TMEM161A: variants seen among roughly 807,000 people sequenced by gnomAD.
TMEM161A encodes the protein adaptive response to oxidative stress protein 29.
TMEM161A carries 46 observed loss-of-function variants against 57.1 expected under a neutral mutation model. That is an observed-to-expected ratio of 0.81 (90% confidence interval 0.64 to 1.03). The LOEUF is 1.03. Among genes scored for constraint, TMEM161A ranks in the 50% least tolerant of loss-of-function variants. The pLI, the probability that TMEM161A is intolerant of heterozygous loss-of-function variation, is 0.00. For missense variants in TMEM161A, 601 were observed against 621.5 expected (o/e 0.97, Z 0.35); for synonymous variants, 288 against 279.0 (o/e 1.03, Z -0.32).
chr19:19,125,578 G>A lies in TMEM161A; in HGVS notation c.596-3759C>T, dbSNP rs556659085. Among the ~76,000 whole-genome samples the A allele has an allele frequency of 6.0e-5, 9 of 148,818 alleles. No homozygotes were observed. The East Asian group carries it at 1.0e-3, about 17-fold the overall frequency. ...GTTGCCCAGGCTGGAGTGCAGTGGC[G>A]CGATCTTGGCTCACTGCAAGCTCCA... is the stretch of plus-strand genomic sequence containing the variant. On this transcript the variant is annotated intron_variant, in intron 6 of 11. Coordinates refer to ENST00000162044, the MANE Select transcript of TMEM161A (RefSeq NM_017814.3).
intron 6 of TMEM161A, among the ~76,000 whole-genome samples, chr19:19,126,130 A>C (rs904779362): frequency 4.0e-5 from 6 of 149,638 alleles, no homozygotes; most frequent in Non-Finnish European, 8.9e-5. Flanking sequence ...CGCCCACTGC[A>C]CTCCAGCCTG....
chr19:19,125,475 C>T (rs1208717873), intron 6 of TMEM161A, among the ~76,000 whole-genome samples: 2 of 150,706 alleles, frequency 1.3e-5, no homozygotes, highest in South Asian at 2.1e-4. Flanking sequence ...CTCAGCCTCC[C>T]GAGTAGCTGG....
intron 6 of TMEM161A, among the ~76,000 whole-genome samples, chr19:19,124,564 A>C (rs1220785966): frequency 6.6e-6 from 1 of 152,228 alleles, no homozygotes; most frequent in Non-Finnish European, 1.5e-5. Context: ...ATATTTAATA[A>C]TCCATAGGTC....
intron 6 of TMEM161A, among the ~76,000 whole-genome samples, chr19:19,129,903 C>T (rs1462067945): frequency 2.7e-5 from 4 of 149,558 alleles, no homozygotes; most frequent in Admixed American, 6.6e-5. Context: ...GAAACTCCAT[C>T]TCAAAAAAAA....
Position 19,132,931 on chromosome 19 carries a change from C to A in TMEM161A, c.189-177G>T. ...CCACAGGACTGGCTAGAGCAAACTG[C>A]CAGGAAACAGATGCTAACTTGACAG... On this transcript the variant is annotated intron_variant, in intron 3 of 11. Coordinates refer to ENST00000162044, the MANE Select transcript of TMEM161A (RefSeq NM_017814.3). The surrounding 1 kb of genome is among the most constrained non-coding windows in gnomAD (Gnocchi z 4.3). 2.8e-6 allele frequency: 2 copies of A among 719,290 alleles called. No individual in the cohort carries two copies. Among genetic ancestry groups the A allele is most frequent in the South Asian group, 1.9e-5 (1 of 52,024 alleles). 44.6% of individuals were successfully genotyped at this position (719,290 alleles called of 1,614,324 possible). A position where few individuals can be genotyped will look rare whatever the true frequency, so the allele number is the denominator to read the frequency against.
chr19:19,126,831 C>T (rs1187106000), intron 6 of TMEM161A, among the ~76,000 whole-genome samples: 1 of 152,106 alleles, frequency 6.6e-6, no homozygotes, highest in African/African-American at 2.4e-5. Flanking sequence ...GATCATGCCA[C>T]TGTACTCTAG....
intron 5 of TMEM161A, chr19:19,130,587 A>G (rs1226495350): frequency 2.3e-6 from 1 of 439,754 alleles, no homozygotes; most frequent in Non-Finnish European, 4.2e-6. Context: ...CCTACTTCAC[A>G]TCCCTTGGAA....
intron 6 of TMEM161A, among the ~76,000 whole-genome samples, chr19:19,128,932 T>A (rs2059944440): frequency 1.3e-5 from 2 of 151,950 alleles, no homozygotes; most frequent in South Asian, 4.2e-4. Context: ...TGAAAAAAAA[T>A]TCAAAGAGAA....
chr19:19,130,292 T>C lies in TMEM161A; in HGVS notation c.459A>G (p.Thr153=). 1.2e-6 allele frequency: 2 copies of C among 1,613,408 alleles called. No individual in the cohort carries two copies. The highest frequency in any genetic ancestry group is 1.7e-6 in the Non-Finnish European group (2 of 1,180,030). The change falls in exon 6 of 12, where the codon ACA becomes ACG. Residue 153 remains threonine (T), a synonymous_variant. Transcript: ENST00000162044. ...TVTFSIKMFL[T]VTRLYFSAEE... Reference sequence around the variant, plus strand: ...CGGCGCTGAAGTACAGCCGTGTCACTGTCAGGAACATCTTGCTGGAGGCTG... The same window carrying C: ...CGGCGCTGAAGTACAGCCGTGTCACCGTCAGGAACATCTTGCTGGAGGCTG...
intron 6 of TMEM161A, among the ~76,000 whole-genome samples, chr19:19,128,643 A>G (rs551403243): frequency 1.3e-5 from 2 of 151,194 alleles, no homozygotes; most frequent in East Asian, 3.9e-4. Context: ...GGTTCAAGCA[A>G]TTCTCCTGCC....
In TMEM161A at chr19:19,132,746, T is replaced by C. The variant is rs1170083277; in HGVS notation, c.197A>G (p.Asn66Ser). Reference protein sequence around the residue: ...RPRGRKERWANGLSEEKPLSV... With the variant: ...RPRGRKERWASGLSEEKPLSV... ...CAGTGGCTTCTCCTCACTAAGGCCA[T>C]TGGCCCACCTGGGAGGATGGTGACA... is the stretch of plus-strand genomic sequence containing the variant. The change falls in exon 4 of 12, where the codon AAT (asparagine) becomes AGT (serine). Residue 66 changes from asparagine (N) to serine (S), a missense_variant. By Grantham distance (46) the Asn-to-Ser change is conservative. Coordinates refer to ENST00000162044, the MANE Select transcript of TMEM161A (RefSeq NM_017814.3). This position sits in a 1 kb window ranked among gnomAD's most constrained non-coding sequence, Gnocchi z 4.3. 9 of 1,542,076 alleles carry C rather than the reference T, an allele frequency of 5.8e-6. No homozygotes were observed. In the East Asian group the frequency reaches 9.1e-5, roughly 16 times the overall value.
At chr19:19,125,003 C>A (rs143455837) in intron 6 of TMEM161A, among the ~76,000 whole-genome samples, 3 of 151,814 alleles carry the variant, frequency 2.0e-5, no homozygotes, top group African/African-American at 7.2e-5. Flanking sequence ...AAAAGTGAGA[C>A]CTGGTAAAAT....
intron 6 of TMEM161A, among the ~76,000 whole-genome samples, chr19:19,129,333 A>C (rs975228396): frequency 6.6e-6 from 1 of 152,182 alleles, no homozygotes; most frequent in African/African-American, 2.4e-5. Flanking sequence ...GGAGAAGGTA[A>C]AACTCAAGCA....
intron 6 of TMEM161A, among the ~76,000 whole-genome samples, chr19:19,124,070 A>G (rs563433877): frequency 5.3e-5 from 8 of 152,076 alleles, no homozygotes; most frequent in African/African-American, 1.7e-4. Context: ...AAAAAAAAGT[A>G]GTATTAGAAG....
chr19:19,127,837 G>A lies in TMEM161A; in HGVS notation c.595+2319C>T, dbSNP rs147232784. ...TGCCTGTGGTCCCAGCTACTTGGAAGGCTGAGGTGGGAGGATCACTTGAGC... is the reference window on the plus strand; with the variant it reads ...TGCCTGTGGTCCCAGCTACTTGGAAAGCTGAGGTGGGAGGATCACTTGAGC... On this transcript the variant is annotated intron_variant, in intron 6 of 11. Transcript: ENST00000162044. Among the ~76,000 whole-genome samples the A allele has an allele frequency of 8.1e-3, 1,231 of 152,188 alleles. 19 individuals are homozygous for A. Among genetic ancestry groups the A allele is most frequent in the African/African-American group, 0.027 (1,135 of 41,532 alleles).
chr19:19,125,752 G>C (rs892069446), intron 6 of TMEM161A, among the ~76,000 whole-genome samples: 2 of 151,880 alleles, frequency 1.3e-5, no homozygotes, highest in Non-Finnish European at 1.5e-5. Flanking sequence ...TGCCGACCTC[G>C]TGATGTGCCC....
At chr19:19,135,060 C>A (rs2059978849) in intron 1 of TMEM161A, 173 bp from the exon 2 acceptor site, 1 of 550,534 alleles carries the variant, frequency 1.8e-6, no homozygotes, top group South Asian at 2.4e-5. Flanking sequence ...ACTCACCTAG[C>A]ATGGCCCTGC....
In TMEM161A at chr19:19,132,757, G is replaced by A. The variant is rs780432120; in HGVS notation, c.189-3C>T. The A allele has an allele frequency of 6.5e-7, 1 of 1,531,058 alleles. No homozygotes were observed. The highest frequency in any genetic ancestry group is 2.3e-5 in the East Asian group (1 of 44,030). 94.8% of individuals were successfully genotyped at this position (1,531,058 alleles called of 1,614,324 possible). A position where few individuals can be genotyped will look rare whatever the true frequency, so the allele number is the denominator to read the frequency against. On this transcript the variant is annotated splice_region_variant and splice_polypyrimidine_tract_variant and intron_variant, in intron 3 of 11. Coordinates refer to ENST00000162044, the MANE Select transcript of TMEM161A (RefSeq NM_017814.3). The surrounding 1 kb of genome is among the most constrained non-coding windows in gnomAD (Gnocchi z 4.3). Reference sequence around the variant, plus strand: ...CCTCACTAAGGCCATTGGCCCACCTGGGAGGATGGTGACAAGCAAGAGGGA... The same window carrying A: ...CCTCACTAAGGCCATTGGCCCACCTAGGAGGATGGTGACAAGCAAGAGGGA...
In TMEM161A at chr19:19,121,862, G is replaced by C. The variant is rs1182699703; in HGVS notation, c.596-43C>G. ...AGGACCGAGTAGAGTGAATTCCTAGGGTCTCTAAGGCCACTCTGTTCCCTA... is the reference window on the plus strand; with the variant it reads ...AGGACCGAGTAGAGTGAATTCCTAGCGTCTCTAAGGCCACTCTGTTCCCTA... On this transcript the variant is annotated intron_variant, in intron 6 of 11. Transcript: ENST00000162044. The surrounding 1 kb of genome is among the most constrained non-coding windows in gnomAD (Gnocchi z 5.8). The C allele has an allele frequency of 6.2e-7, 1 of 1,606,694 alleles. No homozygotes were observed. The highest frequency in any genetic ancestry group is 8.5e-7 in the Non-Finnish European group (1 of 1,175,858).
Sources: allele counts gnomAD v4.1 joint callset (sites outside exome capture counted in the v4.1 genomes callset), GRCh38; gene constraint gnomAD v4.1.1; non-coding constraint Gnocchi (gnomAD v3.1); transcripts MANE v1.5; gene names NCBI Gene and HGNC (gene_info 2026-07-23, HGNC 2026-07-21).